The following ZC3H12B variants were observed in gnomAD, a reference collection of about 807,000 sequenced individuals.
ZC3H12B encodes the protein zinc finger CCCH-type containing 12B.
In ZC3H12B, 7 loss-of-function variants were observed where a neutral mutation model predicts 43.9. The observed-to-expected ratio is 0.16, with a 90% CI of 0.09 to 0.30. ZC3H12B has a LOEUF of 0.30. ZC3H12B is among the 10% of genes least tolerant of loss of function. The pLI is 1.00. For synonymous variants in ZC3H12B, 222 were observed against 241.7 expected, an observed-to-expected ratio of 0.92 and a Z score of 0.76; for missense variants, 475 against 670.2, an observed-to-expected ratio of 0.71 and a Z score of 3.22.
chrX:65,151,402 T>G, the ZC3H12B span, among the ~76,000 whole-genome samples: 6 of 111,987 alleles, frequency 5.4e-5, no homozygotes, highest in African/African-American at 1.9e-4. Flanking sequence ...GAGAAAAAAT[T>G]GACATGTAGG....
chrX:65,406,766 G>C lies in ZC3H12B; in HGVS notation n.407+8062G>C, dbSNP rs770768949. Among the ~76,000 whole-genome samples the C allele has an allele frequency of 3.9e-3, 439 of 112,335 alleles. 1 individual carries two copies. Among genetic ancestry groups the C allele is most frequent in the African/African-American group, 0.013 (413 of 31,085 alleles). Reference sequence around the variant, plus strand: ...GCAGCAGCAGCAGAAGCAGCGGCGGGTACTCTGTGCTCTGCGTCCCGGAGG... The same window carrying C: ...GCAGCAGCAGCAGAAGCAGCGGCGGCTACTCTGTGCTCTGCGTCCCGGAGG... On this transcript the variant is annotated intron_variant and non_coding_transcript_variant, in intron 3 of 5. Coordinates refer to the ZC3H12B transcript ENST00000617377.
At chrX:65,478,024 A>G (rs775853224) in intron 3 of ZC3H12B, among the ~76,000 whole-genome samples, 1 of 110,853 alleles carries the variant, frequency 9.0e-6, no homozygotes, top group African/African-American at 3.3e-5. Context: ...TGGATTTTTT[A>G]TTTCAGTTAT....
chrX:65,383,650 A>G (rs1403296928), intron 2 of ZC3H12B, among the ~76,000 whole-genome samples: 1 of 110,967 alleles, frequency 9.0e-6, no homozygotes, highest in Non-Finnish European at 1.9e-5. Flanking sequence ...AGAAACTACC[A>G]TCAGAGTGAA....
At chrX:65,424,794 C>T (rs1010018297) in intron 3 of ZC3H12B, among the ~76,000 whole-genome samples, 3 of 111,413 alleles carry the variant, frequency 2.7e-5, no homozygotes, top group Non-Finnish European at 5.7e-5. Context: ...GGTCTTATTT[C>T]TGGGTTCTCT....
At chrX:65,109,858 CTTG>C in the ZC3H12B span, among the ~76,000 whole-genome samples, 1 of 107,148 alleles carries the variant, frequency 9.3e-6, no homozygotes, top group Admixed American at 9.7e-5. Flanking sequence ...TTCATAAACA[CTTG>C]TTATTATCAT....
chrX:65,055,165 G>A, the ZC3H12B span, among the ~76,000 whole-genome samples: 1 of 111,393 alleles, frequency 9.0e-6, no homozygotes. Context: ...TCTTGTGCCA[G>A]TTTTCAAAGG....
chrX:65,390,991 A>G (rs1289168424), intron 2 of ZC3H12B, among the ~76,000 whole-genome samples: 2 of 112,196 alleles, frequency 1.8e-5, no homozygotes, highest in Non-Finnish European at 3.8e-5. Context: ...AATAAAATTC[A>G]CAGAATATTA....
At chrX:65,294,477 C>G in the ZC3H12B span, among the ~76,000 whole-genome samples, 19 of 111,146 alleles carry the variant, frequency 1.7e-4, no homozygotes, top group African/African-American at 5.9e-4. Flanking sequence ...CAGGCAACAA[C>G]TAAAACAATG....
chrX:65,128,535 G>A, the ZC3H12B span, among the ~76,000 whole-genome samples: 2 of 111,604 alleles, frequency 1.8e-5, no homozygotes, highest in East Asian at 2.8e-4. Context: ...ATTCTGTTTT[G>A]GAGTGGATTA....
At chrX:65,232,292 G>T in the ZC3H12B span, among the ~76,000 whole-genome samples, 1 of 110,883 alleles carries the variant, frequency 9.0e-6, no homozygotes, top group Non-Finnish European at 1.9e-5. Context: ...AATTATAAAA[G>T]TATTGATTCT....
chrX:65,182,297 T>A, the ZC3H12B span, among the ~76,000 whole-genome samples: 2 of 111,089 alleles, frequency 1.8e-5, no homozygotes, highest in African/African-American at 6.5e-5. Flanking sequence ...AAATACCTAA[T>A]GCATGCGTGG....
the ZC3H12B span, among the ~76,000 whole-genome samples, chrX:65,204,112 A>G: frequency 8.9e-6 from 1 of 112,388 alleles, no homozygotes; most frequent in South Asian, 3.7e-4. Context: ...CAGGATATGG[A>G]GGAGGAGCAG....
chrX:65,381,988 G>T (rs1011871973), intron 2 of ZC3H12B, among the ~76,000 whole-genome samples: 4 of 111,720 alleles, frequency 3.6e-5, no homozygotes, highest in Admixed American at 9.5e-5. Context: ...AAGAGTCCAG[G>T]ACCAGATGGA....
chrX:65,330,016 T>G, the ZC3H12B span, among the ~76,000 whole-genome samples: 1 of 112,108 alleles, frequency 8.9e-6, no homozygotes, highest in African/African-American at 3.2e-5. Flanking sequence ...AGCTTAAGAT[T>G]GACTTGGCAA....
At chrX:65,153,536 T>C in the ZC3H12B span, among the ~76,000 whole-genome samples, 1 of 112,003 alleles carries the variant, frequency 8.9e-6, no homozygotes, top group East Asian at 2.8e-4. Context: ...TGAGATACCA[T>C]CTCACACCAT....
intron 3 of ZC3H12B, among the ~76,000 whole-genome samples, chrX:65,421,158 A>G (rs749708410): frequency 1.9e-4 from 21 of 112,627 alleles, no homozygotes; most frequent in Non-Finnish European, 3.9e-4. Context: ...CAACAACACT[A>G]GACTTATTGG....
At chrX:65,064,352 T>A in the ZC3H12B span, among the ~76,000 whole-genome samples, 1 of 112,249 alleles carries the variant, frequency 8.9e-6, no homozygotes, top group African/African-American at 3.2e-5. Context: ...GTATGTTGTG[T>A]CTTTGTTCTC....
At chrX:65,218,874 G>A in the ZC3H12B span, among the ~76,000 whole-genome samples, 1 of 111,957 alleles carries the variant, frequency 8.9e-6, no homozygotes, top group Admixed American at 9.5e-5. Flanking sequence ...CACAAAAACA[G>A]TGCACTTAAC....
At chrX:65,169,680 T>TA in the ZC3H12B span, among the ~76,000 whole-genome samples, 1 of 112,120 alleles carries the variant, frequency 8.9e-6, no homozygotes, top group African/African-American at 3.2e-5. Flanking sequence ...AGTCTCTTTG[T>TA]AAGTCTATAT....
Sources: allele counts gnomAD v4.1 joint callset (sites outside exome capture counted in the v4.1 genomes callset), GRCh38; gene constraint gnomAD v4.1.1; transcripts MANE v1.5; gene names NCBI Gene and HGNC (gene_info 2026-07-23, HGNC 2026-07-21).